Variants in FAM163A observed in about 807,000 individuals in gnomAD.
FAM163A encodes the protein protein FAM163A.
FAM163A carries 7 observed loss-of-function variants against 12.0 expected under a neutral mutation model. The observed-to-expected ratio is 0.58, with a 90% CI of 0.33 to 1.10. FAM163A has a LOEUF of 1.10. FAM163A is among the 50% of genes least tolerant of loss of function. The pLI is 0.03. For synonymous variants in FAM163A, 101 were observed against 91.0 expected, an observed-to-expected ratio of 1.11 and a Z score of -0.62; for missense variants, 202 against 218.6, an observed-to-expected ratio of 0.92 and a Z score of 0.48.
intron 1 of FAM163A, among the ~76,000 whole-genome samples, chr1:179,793,188 C>T (rs570812153): frequency 6.6e-6 from 1 of 152,142 alleles, no homozygotes; most frequent in Non-Finnish European, 1.5e-5. Flanking sequence ...GTTTCTTCAA[C>T]CATTGCTCAC....
At chr1:179,786,168 C>A (rs552974267) in intron 1 of FAM163A, among the ~76,000 whole-genome samples, 5 of 152,312 alleles carry the variant, frequency 3.3e-5, no homozygotes, top group Non-Finnish European at 7.4e-5. Context: ...TTGTTTTAAT[C>A]CAAATAGCCA....
At chr1:179,803,465 C>T (rs748701419) in intron 1 of FAM163A, among the ~76,000 whole-genome samples, 10 of 152,318 alleles carry the variant, frequency 6.6e-5, no homozygotes, top group Admixed American at 2.0e-4. Context: ...CCCCTGGTAT[C>T]GTGGGGAGTG....
At chr1:179,781,510 A>T (rs1370901147) in intron 1 of FAM163A, among the ~76,000 whole-genome samples, 1 of 151,800 alleles carries the variant, frequency 6.6e-6, no homozygotes, top group Non-Finnish European at 1.5e-5. Flanking sequence ...GAATTAGTAC[A>T]TACTTGGACT....
chr1:179,743,444 C>T (rs1239938565), intron 1 of FAM163A, 21 bp downstream of exon 1: 4 of 152,118 alleles, frequency 2.6e-5, no homozygotes, highest in African/African-American at 9.7e-5. Context: ...GGGGCCTCAT[C>T]GTGCAGGGGA....
At chr1:179,754,062 C>T (rs17370084) in intron 1 of FAM163A, among the ~76,000 whole-genome samples, 26,801 of 152,110 alleles carry the variant, frequency 0.18, 2,788 homozygotes, top group Non-Finnish European at 0.24. Context: ...GCGGGTGATA[C>T]CTCAGAAGCG....
chr1:179,759,146 C>G (rs1305571700), intron 1 of FAM163A, among the ~76,000 whole-genome samples: 1 of 152,092 alleles, frequency 6.6e-6, no homozygotes, highest in Non-Finnish European at 1.5e-5. Flanking sequence ...TTCTTTGTCA[C>G]GAGGAGTTTT....
chr1:179,749,394 C>A (rs1165602146), intron 1 of FAM163A, among the ~76,000 whole-genome samples: 1 of 152,156 alleles, frequency 6.6e-6, no homozygotes, highest in Non-Finnish European at 1.5e-5. Flanking sequence ...AATGAATAAA[C>A]AGCATGATAA....
At chr1:179,780,983 C>T (rs1242711655) in intron 1 of FAM163A, among the ~76,000 whole-genome samples, 8 of 152,054 alleles carry the variant, frequency 5.3e-5, no homozygotes, top group Admixed American at 5.2e-4. Flanking sequence ...GTTTTGAGAT[C>T]TCAGAAGTAA....
intron 1 of FAM163A, among the ~76,000 whole-genome samples, chr1:179,802,295 G>A (rs933201482): frequency 3.3e-5 from 5 of 152,228 alleles, no homozygotes; most frequent in African/African-American, 1.2e-4. Context: ...ATGCATGTGA[G>A]CAGAATTCTT....
In FAM163A at chr1:179,744,897, T is replaced by C. The variant is rs2454195; in HGVS notation, c.-136+1474T>C. On this transcript the variant is annotated intron_variant, in intron 1 of 4. Transcript: ENST00000341785. ...TGGGAGACAAACAATAACTGCGGGC[T>C]TCAATCCCGCATGTTCGCTTTGCCT... Among the ~76,000 whole-genome samples, 3 of 152,078 alleles carry C rather than the reference T, an allele frequency of 2.0e-5. No individual in the cohort carries two copies. In the South Asian group the frequency reaches 6.2e-4, roughly 32 times the overall value.
chr1:179,733,048 G>C, the FAM163A span, among the ~76,000 whole-genome samples: 1 of 152,080 alleles, frequency 6.6e-6, no homozygotes, highest in East Asian at 1.9e-4. Flanking sequence ...ATTCTTGGCT[G>C]GTAATGTGAA....
chr1:179,747,296 C>A (rs750969834), intron 1 of FAM163A, among the ~76,000 whole-genome samples: 8 of 152,312 alleles, frequency 5.3e-5, no homozygotes, highest in Non-Finnish European at 1.0e-4. Context: ...TTGAGCATTT[C>A]TTATCAGCAC....
intron 1 of FAM163A, among the ~76,000 whole-genome samples, chr1:179,752,133 A>G (rs1317968051): frequency 6.6e-6 from 1 of 152,224 alleles, no homozygotes; most frequent in African/African-American, 2.4e-5. Flanking sequence ...AGAGTTCACA[A>G]ATAAATCCAC....
intron 1 of FAM163A, among the ~76,000 whole-genome samples, chr1:179,772,715 A>G (rs980775879): frequency 6.6e-6 from 1 of 152,100 alleles, no homozygotes; most frequent in African/African-American, 2.4e-5. Context: ...TCTCTCACTT[A>G]AAAGGAGTTT....
chr1:179,775,322 C>T (rs567417634), intron 1 of FAM163A, among the ~76,000 whole-genome samples: 1 of 152,344 alleles, frequency 6.6e-6, no homozygotes, highest in East Asian at 1.9e-4. Flanking sequence ...CAAAGTTGCA[C>T]TTCTATGCAA....
At position 179,813,865 on chromosome 1, in the gene FAM163A, C is replaced by G. The variant is rs542230824; in HGVS notation, c.180C>G (p.Pro60=). The G allele has an allele frequency of 2.5e-6, 4 of 1,614,014 alleles. No individual in the cohort carries two copies. In the African/African-American group the frequency reaches 5.3e-5, roughly 22 times the overall value. The change falls in exon 5 of 5, where the codon CCC becomes CCG. Residue 60 remains proline, a synonymous_variant. Transcript: ENST00000341785. The part of the protein sequence containing the change: ...EHDLPTHPRG[P]TCNACSSQAL... ...ACCTTCCCACGCATCCCAGAGGCCC[C>G]ACCTGCAATGCCTGCAGCTCCCAAG...
the FAM163A span, among the ~76,000 whole-genome samples, chr1:179,734,779 A>T: frequency 1.3e-5 from 2 of 152,204 alleles, no homozygotes; most frequent in African/African-American, 4.8e-5. Context: ...GTATTTCAGG[A>T]AGCTTCCACC....
chr1:179,730,553 G>T, the FAM163A span: 1 of 152,212 alleles, frequency 6.6e-6, no homozygotes, highest in South Asian at 2.1e-4. Flanking sequence ...GGAAGACTCA[G>T]AAGGAGGTGT....
intron 1 of FAM163A, among the ~76,000 whole-genome samples, chr1:179,771,364 C>A (rs1187702790): frequency 1.3e-5 from 2 of 152,180 alleles, no homozygotes; most frequent in Non-Finnish European, 2.9e-5. Context: ...CCTGTCTGAC[C>A]TCTGGGCCTC....
Sources: allele counts gnomAD v4.1 joint callset (sites outside exome capture counted in the v4.1 genomes callset), GRCh38; gene constraint gnomAD v4.1.1; transcripts MANE v1.5; gene names NCBI Gene and HGNC (gene_info 2026-07-23, HGNC 2026-07-21).